SHROOM3: variants seen among roughly 807,000 people sequenced by gnomAD.
The protein encoded by SHROOM3 is protein Shroom3.
Under a neutral mutation model 138.6 loss-of-function variants are expected in SHROOM3, and 47 were observed. The observed-to-expected ratio is 0.34, with a 90% CI of 0.27 to 0.43. The LOEUF is 0.43. Among genes scored for constraint, SHROOM3 ranks in the 20% least tolerant of loss-of-function variants. The probability of loss-of-function intolerance (pLI) is 1.00; values close to 1 mark genes in which losing one functional copy is unlikely to be tolerated. For synonymous variants in SHROOM3, 1,062 were observed against 1,063.3 expected (o/e 1.00, Z 0.02); for missense variants, 2,491 against 2,596.5 (o/e 0.96, Z 0.88).
Position 76,740,416 on chromosome 4 carries a change from C to A in SHROOM3, c.2243C>A (p.Pro748His). Residue 748 changes from proline (P) to histidine (H), a missense_variant, in exon 5 of 11, where the codon CCC becomes CAC. By Grantham distance (77) the Pro-to-His change is moderately conservative. Around this residue, in one of 4 missense-constraint regions of SHROOM3, gnomAD observed 1,733 missense variants for 1,661.6 expected, o/e 1.04. Transcript: ENST00000296043. This position sits in a 1 kb window ranked among gnomAD's most constrained non-coding sequence, Gnocchi z 4.0. ...CCAAGTCCCGAAGAGCCGCCTGCCC[C>A]CTCGCACCCGCACACATCCAGTCTG... is the stretch of plus-strand genomic sequence containing the variant. Reference protein sequence around the residue: ...TDPSPEEPPAPSHPHTSSLGR... With the variant: ...TDPSPEEPPAHSHPHTSSLGR... The A allele has an allele frequency of 6.2e-7, 1 of 1,613,076 alleles. No individual in the cohort carries two copies. Among genetic ancestry groups the A allele is most frequent in the Non-Finnish European group, 8.5e-7 (1 of 1,179,894 alleles).
chr4:76,730,176 G>A (rs1356117680), intron 3 of SHROOM3, among the ~76,000 whole-genome samples: 2 of 152,218 alleles, frequency 1.3e-5, no homozygotes, highest in Non-Finnish European at 2.9e-5. Context: ...TCTTTGTGTT[G>A]TAAGGGCAGG....
intron 1 of SHROOM3, among the ~76,000 whole-genome samples, chr4:76,463,493 A>T (rs1731184282): frequency 2.0e-5 from 3 of 152,228 alleles, no homozygotes; most frequent in Admixed American, 2.0e-4. Context: ...AGAAAAGAAA[A>T]ACCCATTTTC....
chr4:76,608,673 TAGCACAGCACAGCACAGCACAGCAC>T lies in SHROOM3; in HGVS notation c.323+52945_323+52969del, dbSNP rs559667555. ...TAGCATAGCATAGCATAGCACAGCA[TAGCACAGCACAGCACAGCACAGCAC>T]AGCACAGCACAGCACAGCACAGCAC... is the stretch of plus-strand genomic sequence containing the variant. On this transcript the variant is annotated intron_variant, in intron 2 of 10. Transcript: ENST00000296043. Among the ~76,000 whole-genome samples the T allele has an allele frequency of 5.1e-3, 547 of 108,028 alleles. 48 individuals carry two copies. The highest frequency in any genetic ancestry group is 0.029 in the East Asian group (80 of 2,776). 70.9% of individuals were successfully genotyped at this position (108,028 alleles called of 152,430 possible).
chr4:76,492,415 A>G (rs1422973438), intron 1 of SHROOM3, among the ~76,000 whole-genome samples: 1 of 152,234 alleles, frequency 6.6e-6, no homozygotes, highest in East Asian at 1.9e-4. Flanking sequence ...TTCAAAAGGT[A>G]CATTACAAAC....
chr4:76,627,329 T>C (rs975459251), intron 2 of SHROOM3, among the ~76,000 whole-genome samples: 2 of 152,146 alleles, frequency 1.3e-5, no homozygotes, highest in African/African-American at 4.8e-5. Flanking sequence ...TTCAGAACTG[T>C]GGTTTTATTT....
intron 2 of SHROOM3, among the ~76,000 whole-genome samples, chr4:76,566,398 C>T (rs1733727008): frequency 6.6e-6 from 1 of 152,118 alleles, no homozygotes; most frequent in African/African-American, 2.4e-5. Context: ...GAATGCAGAG[C>T]TACAACTGTA....
chr4:76,694,988 C>A (rs1414195556), intron 2 of SHROOM3, among the ~76,000 whole-genome samples: 1 of 152,180 alleles, frequency 6.6e-6, no homozygotes, highest in Non-Finnish European at 1.5e-5. Flanking sequence ...TGGATGAGGT[C>A]TGTAATAGAT....
intron 2 of SHROOM3, among the ~76,000 whole-genome samples, chr4:76,658,920 C>A (rs1736124008): frequency 6.6e-6 from 1 of 151,724 alleles, no homozygotes; most frequent in South Asian, 2.1e-4. Flanking sequence ...CATAGTAAAT[C>A]TTTTTTTGGA....
At chr4:76,743,118 T>C (rs951497669) in intron 5 of SHROOM3, among the ~76,000 whole-genome samples, 2 of 152,236 alleles carry the variant, frequency 1.3e-5, no homozygotes, top group East Asian at 1.9e-4. Flanking sequence ...CTGAAAGTGC[T>C]TCTCCTGAAG....
At chr4:76,523,609 C>G (rs1732615484) in intron 1 of SHROOM3, among the ~76,000 whole-genome samples, 1 of 152,110 alleles carries the variant, frequency 6.6e-6, no homozygotes. Flanking sequence ...AAGACATTGC[C>G]TTTGTTCTTC....
Position 76,779,131 on chromosome 4 carries a change from G to A in SHROOM3, c.5945G>A (p.Gly1982Asp). The change falls in exon 11 of 11, where the codon GGC (glycine) becomes GAC (aspartate). Residue 1982 changes from glycine to aspartate, a missense_variant. Physicochemically the swap from Gly to Asp is moderately conservative, Grantham distance 94 (BLOSUM62 -1). Coordinates refer to ENST00000296043, the MANE Select transcript of SHROOM3 (RefSeq NM_020859.4). ...NLTSEPIPAGGCTFSGIFPTL... is the reference protein window; with the variant it reads ...NLTSEPIPAGDCTFSGIFPTL... ...ACGAGTGAGCCCATTCCTGCTGGGG[G>A]CTGTACTTTCAGTGGTATTTTCCCA... 1 of 1,613,942 alleles carries A rather than the reference G, an allele frequency of 6.2e-7. No homozygotes were observed. Among genetic ancestry groups the A allele is most frequent in the Non-Finnish European group, 8.5e-7 (1 of 1,179,886 alleles).
rs4859710 is a variant in SHROOM3, at chr4:76,736,434, T to C, written c.588-2327T>C. ...TTGAGGAGAGCTGCTGAAAGTGTAG[T>C]CTCCTTTTCCTTAAATTCCAGCACA... On this transcript the variant is annotated intron_variant, in intron 4 of 10. Coordinates refer to ENST00000296043, the MANE Select transcript of SHROOM3 (RefSeq NM_020859.4). Among the ~76,000 whole-genome samples, 1,179 of 152,134 alleles carry C rather than the reference T, an allele frequency of 7.7e-3. 66 individuals are homozygous for C. Among genetic ancestry groups the C allele is most frequent in the Admixed American group, 0.07 (1,066 of 15,278 alleles).
chr4:76,617,073 C>T (rs1305718300), intron 2 of SHROOM3, among the ~76,000 whole-genome samples: 7 of 152,218 alleles, frequency 4.6e-5, no homozygotes, highest in African/African-American at 1.7e-4. Flanking sequence ...GTATTACCCG[C>T]ACAGGCTAAT....
intron 1 of SHROOM3, among the ~76,000 whole-genome samples, chr4:76,525,453 G>C (rs1465241549): frequency 6.6e-5 from 10 of 152,132 alleles, no homozygotes; most frequent in African/African-American, 2.4e-4. Flanking sequence ...GATTTTGGGT[G>C]GGGACACAGC....
intron 1 of SHROOM3, among the ~76,000 whole-genome samples, chr4:76,524,897 C>T (rs1206019977): frequency 1.3e-5 from 2 of 152,156 alleles, no homozygotes; most frequent in East Asian, 3.9e-4. Flanking sequence ...ATGCCAGGAC[C>T]TAGGGCTGAA....
intron 1 of SHROOM3, among the ~76,000 whole-genome samples, chr4:76,523,429 G>A (rs948559854): frequency 6.6e-6 from 1 of 152,192 alleles, no homozygotes; most frequent in Non-Finnish European, 1.5e-5. Flanking sequence ...TACAGAGGGA[G>A]AGGGAGGGTG....
chr4:76,500,782 T>C (rs1172421771), intron 1 of SHROOM3, among the ~76,000 whole-genome samples: 1 of 103,994 alleles, frequency 9.6e-6, no homozygotes, highest in Non-Finnish European at 1.9e-5. Context: ...CTTTTACCCT[T>C]TTTCTTTTCT....
intron 2 of SHROOM3, among the ~76,000 whole-genome samples, chr4:76,602,507 T>C (rs1036223000): frequency 6.6e-6 from 1 of 152,218 alleles, no homozygotes; most frequent in Non-Finnish European, 1.5e-5. Flanking sequence ...TTCTTTTGCT[T>C]TATCTTGAAA....
chr4:76,676,176 T>C (rs1719020698), intron 2 of SHROOM3, among the ~76,000 whole-genome samples: 1 of 152,146 alleles, frequency 6.6e-6, no homozygotes, highest in South Asian at 2.1e-4. Flanking sequence ...AAAATTTGGT[T>C]CATAAATTCA....
Sources: gnomAD v4.1 joint callset for allele counts (sites outside exome capture counted in the v4.1 genomes callset) on GRCh38, gnomAD v4.1.1 for gene constraint, gnomAD v4.1.1 regional missense constraint, Gnocchi (gnomAD v3.1) non-coding constraint, MANE v1.5 for transcripts, NCBI Gene and HGNC (gene_info 2026-07-23, HGNC 2026-07-21) for gene names.